ZNF594: variants seen among roughly 807,000 people sequenced by gnomAD.
ZNF594 encodes zinc finger protein HZF18.
For missense variants in ZNF594, 1,037 were observed against 964.6 expected (o/e 1.08, Z -0.99); for synonymous variants, 336 against 309.4 (o/e 1.09, Z -0.90).
At chr17:5,191,726 T>A in intron 1 of ZNF594, 22 bp downstream of exon 1, 1 of 152,346 alleles carries the variant, frequency 6.6e-6, no homozygotes, top group Non-Finnish European at 1.5e-5. Context: ...CCGCCAGCTC[T>A]GTGAACGCAG....
At position 5,181,286 on chromosome 17, in the gene ZNF594, G is replaced by C. The variant is rs768141329; in HGVS notation, c.*547C>G. ...GTCTCAGAAGGTCTGAGCTCTGATT[G>C]AAAGTTTTCCCACATTCTTTACATT... On this transcript the variant is annotated 3_prime_UTR_variant, in exon 2 of 2. Transcript: ENST00000575779. The C allele has an allele frequency of 6.8e-6, 11 of 1,612,254 alleles. No homozygotes were observed. The highest frequency in any genetic ancestry group is 1.7e-5 in the Admixed American group (1 of 59,964).
At chr17:5,189,094 C>CA (rs919241645) in intron 1 of ZNF594, among the ~76,000 whole-genome samples, 284 of 134,134 alleles carry the variant, frequency 2.1e-3, no homozygotes, top group East Asian at 7.4e-3. Context: ...GTCATGTAGC[C>CA]AAAAAAAAAA....
rs561071227 is a variant in ZNF594, at chr17:5,181,214, A to C, written c.*619T>G. On this transcript the variant is annotated 3_prime_UTR_variant, in exon 2 of 2. Coordinates refer to ENST00000575779, the MANE Select transcript of ZNF594 (RefSeq NM_032530.2). ...CTGAGCTGCCCCTAAAAGATTTCCC[A>C]CATTTGTTGCATACATAAGGTTTTT... 1.3e-4 allele frequency: 215 copies of C among 1,611,904 alleles called. No individual in the cohort carries two copies. Among genetic ancestry groups the C allele is most frequent in the Non-Finnish European group, 1.8e-4 (207 of 1,178,016 alleles).
At position 5,181,715 on chromosome 17, in the gene ZNF594, AC is replaced by A; in HGVS notation, c.*117del. On this transcript the variant is annotated 3_prime_UTR_variant, in exon 2 of 2. Transcript: ENST00000575779. Reference sequence around the variant, plus strand: ...TCTGGCTAAAGACTTTCCCACATTCACTACATTCATGAGGTTTCTCTCCAGT... The same window carrying A: ...TCTGGCTAAAGACTTTCCCACATTCATACATTCATGAGGTTTCTCTCCAGT... The A allele has an allele frequency of 6.3e-7, 1 of 1,584,032 alleles. No individual in the cohort carries two copies. Among genetic ancestry groups the A allele is most frequent in the Non-Finnish European group, 8.7e-7 (1 of 1,152,976 alleles).
chr17:5,183,291 G>A lies in ZNF594; in HGVS notation c.966C>T (p.Pro322=), dbSNP rs2074361383. The A allele has an allele frequency of 6.2e-7, 1 of 1,614,088 alleles. No homozygotes were observed. The highest frequency in any genetic ancestry group is 1.3e-5 in the African/African-American group (1 of 75,038). Reference sequence around the variant, plus strand: ...TCTTCCCACATCTGTGACATTCATAGGGTTTCTCTCCACTGTGGAGTCTCT... The same window carrying A: ...TCTTCCCACATCTGTGACATTCATAAGGTTTCTCTCCACTGTGGAGTCTCT... The part of the protein sequence containing the change: ...EHQRLHSGEK[P]YECHRCGKTF... The change falls in exon 2 of 2, where the codon CCC becomes CCT. Residue 322 remains proline (P), a synonymous_variant. Coordinates refer to ENST00000575779, the MANE Select transcript of ZNF594 (RefSeq NM_032530.2).
Position 5,181,923 on chromosome 17 carries a change from T to C in ZNF594, c.2334A>G (p.Arg778=), listed in dbSNP as rs1328751399. Residue 778 remains arginine (R), a synonymous_variant, in exon 2 of 2, where the codon AGA becomes AGG. Transcript: ENST00000575779. ...TCTCTCTTGTATGAGTTACCTGATGTCTGATGAGATCTGAGCTGCCCTGGA... is the reference window on the plus strand; with the variant it reads ...TCTCTCTTGTATGAGTTACCTGATGCCTGATGAGATCTGAGCTGCCCTGGA... The part of the protein sequence containing the change: ...RTFQGSSDLI[R]HQVTHTREKP... 1 of 1,613,934 alleles carries C rather than the reference T, an allele frequency of 6.2e-7. No homozygotes were observed. Among genetic ancestry groups the C allele is most frequent in the African/African-American group, 1.3e-5 (1 of 74,830 alleles).
downstream of ZNF594, among the ~76,000 whole-genome samples, chr17:5,178,469 G>A (rs1011592065): frequency 1.3e-5 from 2 of 151,906 alleles, no homozygotes; most frequent in African/African-American, 4.8e-5. Context: ...AACTACATAA[G>A]GAATACAGGA....
At chr17:5,178,704 C>G (rs1204563335), downstream of ZNF594, among the ~76,000 whole-genome samples, 1 of 152,008 alleles carries the variant, frequency 6.6e-6, no homozygotes. Flanking sequence ...ACATGAAAAA[C>G]CCACCACAAT....
Position 5,182,212 on chromosome 17 carries a change from C to A in ZNF594, c.2045G>T (p.Cys682Phe), listed in dbSNP as rs138189662. The change falls in exon 2 of 2, where the codon TGC becomes TTC. Residue 682 changes from cysteine to phenylalanine, a missense_variant. Cys to Phe is a radical substitution (Grantham distance 205, BLOSUM62 -2). Coordinates refer to ENST00000575779, the MANE Select transcript of ZNF594 (RefSeq NM_032530.2). Reference sequence around the variant, plus strand: ...CCTGAAGGCATTCCCACATTCACTGCACTGATAGGGTTTCTCTCCAGTATG... The same window carrying A: ...CCTGAAGGCATTCCCACATTCACTGAACTGATAGGGTTTCTCTCCAGTATG... ...KIHTGEKPYQCSECGNAFRRR... is the reference protein window; with the variant it reads ...KIHTGEKPYQFSECGNAFRRR... 6.2e-6 allele frequency: 10 copies of A among 1,613,568 alleles called. No homozygotes were observed. The East Asian group carries it at 2.2e-4, about 36-fold the overall frequency.
chr17:5,175,456 TTG>T (rs2074300817), downstream of ZNF594, among the ~76,000 whole-genome samples: 1 of 151,942 alleles, frequency 6.6e-6, no homozygotes, highest in Non-Finnish European at 1.5e-5. Context: ...CGTGGAAAAA[TTG>T]TCTTCCACAA....
At chr17:5,189,743 C>CA (rs1387110276) in intron 1 of ZNF594, among the ~76,000 whole-genome samples, 1 of 151,326 alleles carries the variant, frequency 6.6e-6, no homozygotes, top group Non-Finnish European at 1.5e-5. Context: ...AGGCAGGTCT[C>CA]AAACTCCTGG....
downstream of ZNF594, among the ~76,000 whole-genome samples, chr17:5,176,370 G>T (rs191863899): frequency 9.4e-3 from 1,342 of 143,160 alleles, 19 homozygotes; most frequent in African/African-American, 0.033. Flanking sequence ...ACTCCAGCCT[G>T]GGCAACAAGA....
In ZNF594 at chr17:5,183,611, ACT is replaced by A; in HGVS notation, c.644_645del (p.Glu215ValfsTer6). On this transcript the variant is annotated frameshift_variant, in exon 2 of 2. Transcript: ENST00000575779. LOFTEE classifies it low-confidence loss of function (END_TRUNC). ...HSGGNPYECK[E>X]CGKAFKGSSN... is the part of the protein sequence containing the mutation. ...GAGCTTCCCTTAAAAGCCTTCCCAC[ACT>A]CTTTGCACTCATAGGGATTCCCACC... 1 of 1,613,934 alleles carries A rather than the reference ACT, an allele frequency of 6.2e-7. No homozygotes were observed. Among genetic ancestry groups the A allele is most frequent in the East Asian group, 2.2e-5 (1 of 44,860 alleles).
downstream of ZNF594, among the ~76,000 whole-genome samples, chr17:5,177,023 G>A (rs2074312593): frequency 6.6e-6 from 1 of 151,598 alleles, no homozygotes; most frequent in South Asian, 2.1e-4. Flanking sequence ...GTGAAACCCC[G>A]TCTCTACTAA....
At chr17:5,190,817 A>AGT (rs1439639289) in intron 1 of ZNF594, among the ~76,000 whole-genome samples, 1 of 152,036 alleles carries the variant, frequency 6.6e-6, no homozygotes, top group Non-Finnish European at 1.5e-5. Context: ...AGGCATAGCT[A>AGT]GTGTAAACTG....
intron 1 of ZNF594, among the ~76,000 whole-genome samples, chr17:5,190,582 T>C (rs942130153): frequency 2.6e-5 from 4 of 152,190 alleles, no homozygotes; most frequent in African/African-American, 9.7e-5. Context: ...AAAGAATCTA[T>C]GCCTAGAGGA....
chr17:5,182,845 T>C lies in ZNF594; in HGVS notation c.1412A>G (p.Gln471Arg), dbSNP rs1382849345. 9 of 1,613,994 alleles carry C rather than the reference T, an allele frequency of 5.6e-6. No individual in the cohort carries two copies. The highest frequency in any genetic ancestry group is 1.7e-5 in the Admixed American group (1 of 60,006). Residue 471 changes from glutamine to arginine, a missense_variant, in exon 2 of 2, where the codon CAG becomes CGG. Physicochemically the swap from Gln to Arg is conservative, Grantham distance 43 (BLOSUM62 1). Coordinates refer to ENST00000575779, the MANE Select transcript of ZNF594 (RefSeq NM_032530.2). ...ECSECGKAFS[Q>R]RSHLVTHQKI... ...CTGGTGTGTAACAAGGTGTGACCTC[T>C]GGCTAAAGGCTTTCCCACATTCACT...
Position 5,183,188 on chromosome 17 carries a change from A to C in ZNF594, c.1069T>G (p.Phe357Val). 6.2e-7 allele frequency: 1 copy of C among 1,614,046 alleles called. No homozygotes were observed. Among genetic ancestry groups the C allele is most frequent in the South Asian group, 1.1e-5 (1 of 91,084 alleles). ...TCCCTAAGCTCCTCATCCTTGCTGA[A>C]GGTTTTCTCACATTCTTCAATTTTC... ...GEKIEECEKT[F>V]SKDEELREEQ... is the part of the protein sequence containing the mutation. Residue 357 changes from phenylalanine to valine, a missense_variant, in exon 2 of 2, where the codon TTC (phenylalanine) becomes GTC (valine). Coordinates refer to ENST00000575779, the MANE Select transcript of ZNF594 (RefSeq NM_032530.2).
rs1483789797 is a variant in ZNF594 at position 5,182,960 on chromosome 17, C to T, written c.1297G>A (p.Val433Ile). 2 of 1,614,060 alleles carry T rather than the reference C, an allele frequency of 1.2e-6. No individual in the cohort carries two copies. The highest frequency in any genetic ancestry group is 2.2e-5 in the East Asian group (1 of 44,852). The change falls in exon 2 of 2, where the codon GTA becomes ATA. Residue 433 changes from valine to isoleucine, a missense_variant. Physicochemically the swap from Val to Ile is conservative, Grantham distance 29 (BLOSUM62 3). Transcript: ENST00000575779. Reference protein sequence around the residue: ...HRIHSGEKPCVCSKCGKSFRG... With the variant: ...HRIHSGEKPCICSKCGKSFRG... Reference sequence around the variant, plus strand: ...AAAGATTTCCCACATTTGCTACATACACAAGGTTTTTCTCCACTGTGAATT... The same window carrying T: ...AAAGATTTCCCACATTTGCTACATATACAAGGTTTTTCTCCACTGTGAATT...
Sources: allele counts gnomAD v4.1 joint callset (sites outside exome capture counted in the v4.1 genomes callset), GRCh38; gene constraint gnomAD v4.1.1; transcripts MANE v1.5; gene names NCBI Gene and HGNC (gene_info 2026-07-23, HGNC 2026-07-21).